CATSPERQ: variants seen among roughly 807,000 people sequenced by gnomAD.
The protein encoded by CATSPERQ is catsper channel auxiliary subunit theta.
At chr8:144,353,659 A>C in the CATSPERQ span, 2 of 1,461,436 alleles carry the variant, frequency 1.4e-6, no homozygotes. Context: ...CACGGCCCCC[A>C]GCACCGAAGA....
the CATSPERQ span, chr8:144,354,104 C>T: frequency 3.9e-6 from 6 of 1,535,282 alleles, no homozygotes; most frequent in Non-Finnish European, 5.2e-6. The surrounding 1 kb of genome is among the most constrained non-coding windows in gnomAD (Gnocchi z 4.6). Flanking sequence ...CACAGGCCCA[C>T]GCCCACGCCG....
At chr8:144,354,558 T>TTC in the CATSPERQ span, 2 of 504,392 alleles carry the variant, frequency 4.0e-6, no homozygotes, top group South Asian at 4.3e-5. The surrounding 1 kb of genome is among the most constrained non-coding windows in gnomAD (Gnocchi z 4.6). Flanking sequence ...GTCTCCCTCC[T>TTC]CCCCCGCCCC....
chr8:144,354,788 C>G, the CATSPERQ span: 1 of 1,528,368 alleles, frequency 6.5e-7, no homozygotes, highest in Non-Finnish European at 8.8e-7. The surrounding 1 kb of genome is among the most constrained non-coding windows in gnomAD (Gnocchi z 4.6). Context: ...CAGAGGTGGT[C>G]AGCCTGGCCG....
the CATSPERQ span, chr8:144,353,360 G>A: frequency 6.5e-7 from 1 of 1,533,680 alleles, no homozygotes; most frequent in Non-Finnish European, 8.7e-7. Context: ...ACACCTCCAG[G>A]CTGGACTGAG....
chr8:144,354,054 C>G, the CATSPERQ span: 2 of 1,535,466 alleles, frequency 1.3e-6, no homozygotes, highest in South Asian at 1.2e-5. The surrounding 1 kb of genome is among the most constrained non-coding windows in gnomAD (Gnocchi z 4.6). Context: ...GCGTGTGGTT[C>G]AGCACCAGGC....
chr8:144,354,079 G>A, the CATSPERQ span: 1 of 1,535,300 alleles, frequency 6.5e-7, no homozygotes, highest in Non-Finnish European at 8.7e-7. The surrounding 1 kb of genome is among the most constrained non-coding windows in gnomAD (Gnocchi z 4.6). Context: ...CCGCGGCAGC[G>A]ACGAGATCAC....
chr8:144,354,372 C>T, the CATSPERQ span: 3 of 1,520,448 alleles, frequency 2.0e-6, no homozygotes, highest in South Asian at 2.4e-5. This position sits in a 1 kb window ranked among gnomAD's most constrained non-coding sequence, Gnocchi z 4.6. Flanking sequence ...CGGCCCTGCC[C>T]GCAGCCGGGG....
chr8:144,354,910 C>A, the CATSPERQ span: 3 of 1,357,042 alleles, frequency 2.2e-6, no homozygotes, highest in South Asian at 3.0e-5. The surrounding 1 kb of genome is among the most constrained non-coding windows in gnomAD (Gnocchi z 4.6). Flanking sequence ...ACTGACAGGG[C>A]AGCGAGGCCA....
chr8:144,353,468 G>A, the CATSPERQ span: 1 of 1,535,968 alleles, frequency 6.5e-7, no homozygotes. Context: ...AGGTGGCCAG[G>A]TAGTCGAAGT....
At chr8:144,354,206 G>A in the CATSPERQ span, 5 of 1,546,470 alleles carry the variant, frequency 3.2e-6, no homozygotes, top group African/African-American at 4.1e-5. This position sits in a 1 kb window ranked among gnomAD's most constrained non-coding sequence, Gnocchi z 4.6. Flanking sequence ...AGGGGAGGAG[G>A]GCGGTGGGGG....
At chr8:144,354,186 G>A in the CATSPERQ span, 8 of 1,541,614 alleles carry the variant, frequency 5.2e-6, no homozygotes, top group African/African-American at 8.2e-5. The surrounding 1 kb of genome is among the most constrained non-coding windows in gnomAD (Gnocchi z 4.6). Context: ...GCGGCGCGGG[G>A]CCGGCCCTCA....
At chr8:144,353,240 G>A in the CATSPERQ span, 2 of 1,349,138 alleles carry the variant, frequency 1.5e-6, no homozygotes, top group South Asian at 1.5e-5. Context: ...AGCTGAGGCA[G>A]CTTTATTGAA....
the CATSPERQ span, chr8:144,353,951 T>C: frequency 6.5e-7 from 1 of 1,530,712 alleles, no homozygotes; most frequent in Non-Finnish European, 8.7e-7. Flanking sequence ...CCCGGCCCGT[T>C]ACCATCGGAG....
the CATSPERQ span, chr8:144,353,758 C>T: frequency 1.2e-5 from 18 of 1,534,894 alleles, no homozygotes; most frequent in Non-Finnish European, 2.6e-6. Flanking sequence ...GAGGAGGGCG[C>T]GTGTCTGGGC....
the CATSPERQ span, chr8:144,354,563 C>CCCCCCCCCCCT: frequency 2.7e-5 from 19 of 710,122 alleles, no homozygotes; most frequent in East Asian, 6.5e-5. This position sits in a 1 kb window ranked among gnomAD's most constrained non-coding sequence, Gnocchi z 4.6. Context: ...CCTCCTCCCC[C>CCCCCCCCCCCT]GCCCCGCCCT....
the CATSPERQ span, chr8:144,353,372 G>C: frequency 6.5e-7 from 1 of 1,534,818 alleles, no homozygotes. Context: ...TGGACTGAGA[G>C]GAGCTGGGCT....
At chr8:144,354,510 C>T in the CATSPERQ span, 2 of 1,413,198 alleles carry the variant, frequency 1.4e-6, no homozygotes, top group Non-Finnish European at 1.9e-6. This position sits in a 1 kb window ranked among gnomAD's most constrained non-coding sequence, Gnocchi z 4.6. Flanking sequence ...GGCCCTGCCT[C>T]TGCCCACCTG....
the CATSPERQ span, chr8:144,354,682 T>G: frequency 6.5e-7 from 1 of 1,535,350 alleles, no homozygotes; most frequent in Non-Finnish European, 8.7e-7. This position sits in a 1 kb window ranked among gnomAD's most constrained non-coding sequence, Gnocchi z 4.6. Context: ...CAGGTGGCGC[T>G]CCGGGCAGGT....
At chr8:144,353,770 G>A in the CATSPERQ span, 3 of 1,535,374 alleles carry the variant, frequency 2.0e-6, no homozygotes, top group Non-Finnish European at 8.7e-7. Context: ...TGTCTGGGCG[G>A]GACCCACCTC....
Sources: gnomAD v4.1 joint callset for allele counts on GRCh38, gnomAD v4.1.1 for gene constraint, Gnocchi (gnomAD v3.1) non-coding constraint, MANE v1.5 for transcripts, NCBI Gene and HGNC (gene_info 2026-07-23, HGNC 2026-07-21) for gene names.